The following SFMBT2 variants were observed in gnomAD, a reference collection of about 807,000 sequenced individuals.
SFMBT2 encodes the protein Scm like with four mbt domains 2, also known as scm-like with four MBT domains protein 2.
Under a neutral mutation model 110.1 loss-of-function variants are expected in SFMBT2, and 38 were observed. The observed-to-expected ratio is 0.35, with a 90% CI of 0.27 to 0.45. SFMBT2 has a LOEUF of 0.45. SFMBT2 is among the 20% of genes least tolerant of loss of function. The pLI, the probability that SFMBT2 is intolerant of heterozygous loss-of-function variation, is 1.00. For synonymous variants in SFMBT2, 425 were observed against 425.4 expected (o/e 1.00, Z 0.01); for missense variants, 1,011 against 1,094.9 (o/e 0.92, Z 1.08).
intron 4 of SFMBT2, among the ~76,000 whole-genome samples, chr10:7,305,941 A>G (rs766818399): frequency 6.6e-6 from 1 of 152,258 alleles, no homozygotes; most frequent in Admixed American, 6.5e-5. Context: ...AACACGATTC[A>G]AAGCAGAGTC....
At position 7,171,173 on chromosome 10, in the gene SFMBT2, C is replaced by G; in HGVS notation, c.2416-117G>C. ...GGAAGCCACTGCCTCCCTTTGCTCCCTCACTGGGCACCTGAAAAAGCTGCA... is the reference window on the plus strand; with the variant it reads ...GGAAGCCACTGCCTCCCTTTGCTCCGTCACTGGGCACCTGAAAAAGCTGCA... On this transcript the variant is annotated intron_variant, in intron 19 of 20. Coordinates refer to ENST00000397167, the MANE Select transcript of SFMBT2 (RefSeq NM_001387889.1). The surrounding 1 kb of genome is among the most constrained non-coding windows in gnomAD (Gnocchi z 4.9). 6.5e-7 allele frequency: 1 copy of G among 1,533,992 alleles called. No individual in the cohort carries two copies. Among genetic ancestry groups the G allele is most frequent in the Non-Finnish European group, 8.9e-7 (1 of 1,128,016 alleles).
chr10:7,228,719 CTTTCTTTCTTTCTTTCCTTT>C (rs1408924486), intron 9 of SFMBT2, among the ~76,000 whole-genome samples: 32 of 128,348 alleles, frequency 2.5e-4, no homozygotes, highest in African/African-American at 1.0e-3. Flanking sequence ...TTCTTTCTTT[CTTTCTTTCTTTCTTTCCTTT>C]CTCTCTCTCT....
At chr10:7,329,701 C>G (rs1385708597) in intron 4 of SFMBT2, 1 of 161,138 alleles carries the variant, frequency 6.2e-6, no homozygotes, top group Non-Finnish European at 1.3e-5. Context: ...CTGGCCACAG[C>G]GCCTATACAT....
At chr10:7,410,396 G>A (rs1846339911) in intron 1 of SFMBT2, among the ~76,000 whole-genome samples, 1 of 152,248 alleles carries the variant, frequency 6.6e-6, no homozygotes, top group African/African-American at 2.4e-5. Flanking sequence ...CGGAGGAGAC[G>A]CGGGAGCGCG....
Position 7,206,646 on chromosome 10 carries a change from T to C in SFMBT2, c.1331-718A>G, listed in dbSNP as rs1419174438. On this transcript the variant is annotated intron_variant, in intron 11 of 20. Coordinates refer to ENST00000397167, the MANE Select transcript of SFMBT2 (RefSeq NM_001387889.1). ...CTGATGACTGTCACATCCTATTTCG[T>C]AATTACAGTCATGCCTTATGAGGAC... 4 of 904,924 alleles carry C rather than the reference T, an allele frequency of 4.4e-6. No individual in the cohort carries two copies. The Admixed American group carries it at 2.5e-4, about 56-fold the overall frequency. 56.1% of individuals were successfully genotyped at this position (904,924 alleles called of 1,614,324 possible). A position where few individuals can be genotyped will look rare whatever the true frequency, so the allele number is the denominator to read the frequency against.
At chr10:7,403,509 G>T (rs1220760830) in intron 1 of SFMBT2, among the ~76,000 whole-genome samples, 1 of 152,092 alleles carries the variant, frequency 6.6e-6, no homozygotes, top group African/African-American at 2.4e-5. Context: ...GGGTGTGGTG[G>T]TGTGCGCCTG....
At position 7,324,221 on chromosome 10, in the gene SFMBT2, A is replaced by C. The variant is rs576928983; in HGVS notation, c.437-38267T>G. Among the ~76,000 whole-genome samples, 4 of 152,242 alleles carry C rather than the reference A, an allele frequency of 2.6e-5. No individual in the cohort carries two copies. The South Asian group carries it at 8.3e-4, about 31-fold the overall frequency. ...TCCTGAATCAAATGAATGTTTTGCT[A>C]TAAGTGTGAATAATTACTATAATCA... On this transcript the variant is annotated intron_variant, in intron 4 of 20. Transcript: ENST00000397167.
At position 7,163,719 on chromosome 10, in the gene SFMBT2, C is replaced by T. The variant is rs1837615140; in HGVS notation, c.*51G>A. ...AAATCAAAGTTTCAGTCCTGGAAAC[C>T]TTTACCAACACCGCATCCCAGCAAT... On this transcript the variant is annotated 3_prime_UTR_variant, in exon 21 of 21. Transcript: ENST00000397167. The surrounding 1 kb of genome is among the most constrained non-coding windows in gnomAD (Gnocchi z 4.8). 6.5e-7 allele frequency: 1 copy of T among 1,548,194 alleles called. No individual in the cohort carries two copies. Among genetic ancestry groups the T allele is most frequent in the Non-Finnish European group, 8.9e-7 (1 of 1,125,930 alleles).
chr10:7,326,405 G>A (rs781757013), intron 4 of SFMBT2, among the ~76,000 whole-genome samples: 13 of 152,280 alleles, frequency 8.5e-5, no homozygotes, highest in East Asian at 1.9e-4. Context: ...AAATGCCAGC[G>A]GCACCTGCCC....
intron 16 of SFMBT2, among the ~76,000 whole-genome samples, chr10:7,180,686 AC>A (rs1027572438): frequency 2.5e-4 from 38 of 152,052 alleles, no homozygotes; most frequent in African/African-American, 9.2e-4. Context: ...CCTTGATGAA[AC>A]CCATCTGGGA....
At chr10:7,273,662 T>C (rs532665402) in intron 7 of SFMBT2, among the ~76,000 whole-genome samples, 2 of 152,284 alleles carry the variant, frequency 1.3e-5, no homozygotes, top group South Asian at 2.1e-4. Flanking sequence ...TTCCCAACCC[T>C]GTGTCCAAGT....
chr10:7,357,840 G>A (rs773525122), intron 4 of SFMBT2, among the ~76,000 whole-genome samples: 11 of 152,172 alleles, frequency 7.2e-5, no homozygotes, highest in African/African-American at 1.9e-4. Context: ...CCTAATGACC[G>A]GCAGAACCTA....
At chr10:7,201,615 G>GC (rs1372287717) in intron 13 of SFMBT2, among the ~76,000 whole-genome samples, 3 of 152,070 alleles carry the variant, frequency 2.0e-5, no homozygotes, top group Non-Finnish European at 2.9e-5. Context: ...CTCGACTACC[G>GC]CAAGTGAAAA....
chr10:7,329,662 CG>C, intron 4 of SFMBT2: 1 of 259,352 alleles, frequency 3.9e-6, no homozygotes, highest in Non-Finnish European at 6.0e-6. Flanking sequence ...CCACAATAAC[CG>C]GGGCCTTGGC....
intron 8 of SFMBT2, chr10:7,244,093 C>G: frequency 1.3e-6 from 1 of 796,894 alleles, no homozygotes; most frequent in South Asian, 5.7e-5. Context: ...CCACAGCCAG[C>G]ACCAAACTCT....
chr10:7,387,956 AAAAAAAGGTAGAAAAGCCATT>A (rs1845660295), intron 1 of SFMBT2, among the ~76,000 whole-genome samples: 1 of 151,616 alleles, frequency 6.6e-6, no homozygotes, highest in Non-Finnish European at 1.5e-5. Flanking sequence ...CAAAAAAAAA[AAAAAAAGGTAGAAAAGCCATT>A]AAACGTGGAG....
chr10:7,373,209 A>G (rs1845107399), intron 2 of SFMBT2, among the ~76,000 whole-genome samples: 1 of 151,744 alleles, frequency 6.6e-6, no homozygotes, highest in African/African-American at 2.4e-5. Context: ...GGTTGTTAAG[A>G]CCCTGGTTAC....
At chr10:7,352,777 C>T (rs1322069670) in intron 4 of SFMBT2, among the ~76,000 whole-genome samples, 8 of 152,176 alleles carry the variant, frequency 5.3e-5, no homozygotes, top group South Asian at 2.1e-4. Context: ...TTTGGGAGGC[C>T]GGGGCAGGCA....
rs1004593388 is a variant in SFMBT2 at position 7,163,636 on chromosome 10, C to T, written c.*134G>A. 1 of 770,084 alleles carries T rather than the reference C, an allele frequency of 1.3e-6. No homozygotes were observed. The highest frequency in any genetic ancestry group is 1.9e-5 in the South Asian group (1 of 54,040). The allele number at this position is 770,084 out of a possible 1,614,324, so 47.7% of individuals were successfully genotyped here. On this transcript the variant is annotated 3_prime_UTR_variant, in exon 21 of 21. Coordinates refer to ENST00000397167, the MANE Select transcript of SFMBT2 (RefSeq NM_001387889.1). The surrounding 1 kb of genome is among the most constrained non-coding windows in gnomAD (Gnocchi z 4.8). ...TCACAGGCTGGCGGAGGCAGAAGAT[C>T]CTGGGCTTCTGGTTTTCTGGTGATA...
Sources: allele counts gnomAD v4.1 joint callset (sites outside exome capture counted in the v4.1 genomes callset), GRCh38; gene constraint gnomAD v4.1.1; non-coding constraint Gnocchi (gnomAD v3.1); transcripts MANE v1.5; gene names NCBI Gene and HGNC (gene_info 2026-07-23, HGNC 2026-07-21).